Variants in TTC33 observed in about 807,000 individuals in gnomAD.
The protein encoded by TTC33 is tetratricopeptide repeat domain 33.
In TTC33, 24 loss-of-function variants were observed where a neutral mutation model predicts 29.4. The ratio of observed to expected loss-of-function variants is 0.82; its 90% confidence interval spans 0.59 to 1.15. The LOEUF is 1.15. Among genes scored for constraint, TTC33 ranks in the 50% most tolerant of loss-of-function variants. TTC33 has a pLI of 0.00. For missense variants in TTC33, 286 were observed against 310.4 expected (o/e 0.92, Z 0.59); for synonymous variants, 107 against 100.3 (o/e 1.07, Z -0.40).
chr5:40,716,232 C>G lies in TTC33; in HGVS notation c.702G>C (p.Val234=), dbSNP rs377335975. Residue 234 remains valine (V), a synonymous_variant, in exon 5 of 5, where the codon GTG becomes GTC. Transcript: ENST00000337702. ...CAGTCTCTATGGCCCCAGAAGCAGA[C>G]ACAATAACCATTGTTTTATTTGCTG... ...TVSANKTMVI[V]SASGAIETVT... is the part of the protein sequence containing the mutation. 22 of 1,614,202 alleles carry G rather than the reference C, an allele frequency of 1.4e-5. No homozygotes were observed. The Middle Eastern group carries it at 6.6e-4, about 48-fold the overall frequency.
At chr5:40,742,697 A>G (rs1742719449) in intron 2 of TTC33, among the ~76,000 whole-genome samples, 1 of 152,202 alleles carries the variant, frequency 6.6e-6, no homozygotes, top group Non-Finnish European at 1.5e-5. Context: ...AAAAAGAAGA[A>G]AAAGAATAAG....
chr5:40,713,784 TATC>T lies in TTC33; in HGVS notation c.*2358_*2360del, dbSNP rs1328259336. 6.6e-6 allele frequency among the ~76,000 whole-genome samples: 1 copy of T among 152,158 alleles called. No homozygotes were observed. The highest frequency in any genetic ancestry group is 1.5e-5 in the Non-Finnish European group (1 of 68,010). On this transcript the variant is annotated 3_prime_UTR_variant, in exon 5 of 5. Transcript: ENST00000337702. ...AAAGTATATTAAACATCTATATCAT[TATC>T]ATGAACATCAATTCTCTTCAGATTC...
Position 40,711,916 on chromosome 5 carries a change from T to G in TTC33, c.*4229A>C, listed in dbSNP as rs550946503. ...AGTTGACTAGGGATGGCTGTTCAGG[T>G]GGAGGGGAACCAACTGCAAAAGGGC... On this transcript the variant is annotated 3_prime_UTR_variant, in exon 5 of 5. Transcript: ENST00000337702. Among the ~76,000 whole-genome samples, 21 of 152,152 alleles carry G rather than the reference T, an allele frequency of 1.4e-4. No homozygotes were observed. In the South Asian group the frequency reaches 4.4e-3, roughly 32 times the overall value.
chr5:40,725,652 T>G (rs1160803062), intron 4 of TTC33, among the ~76,000 whole-genome samples: 2 of 152,170 alleles, frequency 1.3e-5, no homozygotes, highest in Non-Finnish European at 2.9e-5. Context: ...TGTTACCTCC[T>G]GGTATTCATT....
rs538099141 is a variant in TTC33 at position 40,726,364 on chromosome 5, C to G, written c.435+1981G>C. On this transcript the variant is annotated intron_variant, in intron 4 of 4. Transcript: ENST00000337702. ...TACATAATTTCCTATGGTTTTAGTC[C>G]ATATGTATATATAGTAAGAATTGTT... 2.1e-4 allele frequency among the ~76,000 whole-genome samples: 32 copies of G among 151,618 alleles called. No homozygotes were observed. The South Asian group carries it at 4.2e-3, about 20-fold the overall frequency.
At chr5:40,743,573 G>C (rs1742738576) in intron 2 of TTC33, among the ~76,000 whole-genome samples, 1 of 151,720 alleles carries the variant, frequency 6.6e-6, no homozygotes, top group Non-Finnish European at 1.5e-5. Context: ...AGGGGTTCAA[G>C]ACCAGCCTGG....
chr5:40,738,681 T>C (rs1387735082), intron 2 of TTC33, among the ~76,000 whole-genome samples: 1 of 152,014 alleles, frequency 6.6e-6, no homozygotes, highest in Admixed American at 6.5e-5. Flanking sequence ...TATAAAAGTT[T>C]AACTTGCTCC....
In TTC33 at chr5:40,716,160, A is replaced by G. The variant is rs756948372; in HGVS notation, c.774T>C (p.Phe258=). 3.1e-6 allele frequency: 5 copies of G among 1,603,540 alleles called. No individual in the cohort carries two copies. In the African/African-American group the frequency reaches 6.7e-5, roughly 22 times the overall value. ...DGATPPDGSV[F]IKAR ...GCATACTGCTTCATCGGGCTTTGAT[A>G]AAAACAGAGCCATCTGGTGGTGTAG... is the stretch of plus-strand genomic sequence containing the variant. The change falls in exon 5 of 5, where the codon TTT becomes TTC. Residue 258 remains phenylalanine (F), a synonymous_variant. Transcript: ENST00000337702.
intron 4 of TTC33, among the ~76,000 whole-genome samples, chr5:40,726,070 C>T (rs150754564): frequency 6.6e-6 from 1 of 151,824 alleles, no homozygotes; most frequent in East Asian, 1.9e-4. Context: ...CAGACTTGAG[C>T]CACCGCGCCT....
intron 4 of TTC33, among the ~76,000 whole-genome samples, chr5:40,724,749 A>G (rs937389749): frequency 4.6e-5 from 7 of 152,218 alleles, no homozygotes; most frequent in Non-Finnish European, 1.0e-4. Flanking sequence ...ACATTTATAA[A>G]GACTATAATT....
intron 1 of TTC33, among the ~76,000 whole-genome samples, chr5:40,753,481 T>C (rs1228201591): frequency 6.6e-6 from 1 of 152,184 alleles, no homozygotes; most frequent in Non-Finnish European, 1.5e-5. Context: ...ACTAATGGAT[T>C]ATAAACTGTG....
chr5:40,750,439 T>A (rs1346875037), intron 1 of TTC33, among the ~76,000 whole-genome samples: 2 of 152,032 alleles, frequency 1.3e-5, no homozygotes, highest in Non-Finnish European at 2.9e-5. Context: ...ACATCTGTAG[T>A]CCCACCTACT....
At chr5:40,727,437 C>A (rs950950024) in intron 4 of TTC33, among the ~76,000 whole-genome samples, 6 of 152,186 alleles carry the variant, frequency 3.9e-5, no homozygotes, top group African/African-American at 1.4e-4. Flanking sequence ...CTAATTCTTA[C>A]CTAGATAGCC....
At chr5:40,735,009 C>G (rs1279072194) in intron 2 of TTC33, among the ~76,000 whole-genome samples, 4 of 152,180 alleles carry the variant, frequency 2.6e-5, no homozygotes, top group Non-Finnish European at 5.9e-5. Context: ...GGTCAGACAA[C>G]TGAAAATCTG....
Position 40,716,098 on chromosome 5 carries a change from A to C in TTC33, c.*47T>G. ...GTAAATGTCTCTATGTCAAAACTTC[A>C]AGAGGCAATCAAAAAGACAGATTCA... On this transcript the variant is annotated 3_prime_UTR_variant, in exon 5 of 5. Coordinates refer to ENST00000337702, the MANE Select transcript of TTC33 (RefSeq NM_012382.3). 6.8e-7 allele frequency: 1 copy of C among 1,462,326 alleles called. No homozygotes were observed. The allele number at this position is 1,462,326 out of a possible 1,614,324, so 90.6% of individuals were successfully genotyped here.
chr5:40,728,467 A>C lies in TTC33; in HGVS notation c.313T>G (p.Ser105Ala), dbSNP rs755311214. ...ACTGCTGGGAACATTTCATGAAGAG[A>C]CATTAGCACCTATAGGCAAAAAAAG... ...LYEMKSQVLM[S>A]LHEMFPAVHA... The change falls in exon 4 of 5, where the codon TCT (serine) becomes GCT (alanine). Residue 105 changes from serine (S) to alanine (A), a missense_variant. Ser to Ala is a moderately conservative substitution (Grantham distance 99). Transcript: ENST00000337702. The C allele has an allele frequency of 1.2e-6, 2 of 1,605,942 alleles. No individual in the cohort carries two copies. Among genetic ancestry groups the C allele is most frequent in the African/African-American group, 2.7e-5 (2 of 74,496 alleles).
At chr5:40,744,487 G>GTT (rs375739587) in intron 2 of TTC33, among the ~76,000 whole-genome samples, 55,253 of 136,266 alleles carry the variant, frequency 0.41, 11,417 homozygotes, top group East Asian at 0.55. Flanking sequence ...ACTCTTACCA[G>GTT]TTTTTTTTTT....
At chr5:40,725,282 CA>C (rs1296075746) in intron 4 of TTC33, among the ~76,000 whole-genome samples, 2 of 151,928 alleles carry the variant, frequency 1.3e-5, no homozygotes, top group Admixed American at 1.3e-4. Flanking sequence ...CCAGGATGCC[CA>C]GCCCCTCAAG....
At chr5:40,728,963 G>GTAGGGTTAGGGT (rs944443181) in intron 3 of TTC33, among the ~76,000 whole-genome samples, 2 of 152,114 alleles carry the variant, frequency 1.3e-5, no homozygotes, top group Admixed American at 1.3e-4. Context: ...TACTAGGAAG[G>GTAGGGTTAGGGT]TAGGGTTAGG....
Sources: gnomAD v4.1 joint callset for allele counts (sites outside exome capture counted in the v4.1 genomes callset) on GRCh38, gnomAD v4.1.1 for gene constraint, MANE v1.5 for transcripts, NCBI Gene and HGNC (gene_info 2026-07-23, HGNC 2026-07-21) for gene names.